Variants in ZNF469 observed in about 807,000 individuals in gnomAD.
ZNF469 encodes zinc finger protein 469.
Under a neutral mutation model 1.0 loss-of-function variants are expected in ZNF469, and 1 was observed. The observed-to-expected ratio is 1.00, with a 90% CI of 0.35 to 4.73. The LOEUF (loss-of-function observed/expected upper bound fraction) is 4.73. Among genes scored for constraint, ZNF469 ranks in the 30% most tolerant of loss-of-function variants. ZNF469 has a pLI of 0.16. For synonymous variants in ZNF469, 2,703 were observed against 2,363.4 expected (o/e 1.14, Z -4.17); for missense variants, 6,100 against 5,356.3 (o/e 1.14, Z -4.33).
chr16:88,204,850 C>T, the ZNF469 span, among the ~76,000 whole-genome samples: 3 of 152,160 alleles, frequency 2.0e-5, no homozygotes, highest in South Asian at 2.1e-4. Flanking sequence ...ATCCTTCAGA[C>T]GTGGAAAAGG....
chr16:88,395,540 G>A (rs1023178080), intron 1 of ZNF469, among the ~76,000 whole-genome samples: 5 of 152,064 alleles, frequency 3.3e-5, no homozygotes, highest in Non-Finnish European at 7.4e-5. Context: ...TGGTTTGGGT[G>A]TGCCACTCTT....
the ZNF469 span, among the ~76,000 whole-genome samples, chr16:88,293,452 A>T: frequency 1.6e-4 from 25 of 152,074 alleles, no homozygotes; most frequent in African/African-American, 5.8e-4. Context: ...TGGTAAATGG[A>T]TAGATAGGTG....
At chr16:88,138,844 G>T in the ZNF469 span, among the ~76,000 whole-genome samples, 2 of 152,216 alleles carry the variant, frequency 1.3e-5, no homozygotes, top group African/African-American at 4.8e-5. Flanking sequence ...TTTCTATGTT[G>T]TATCTGAGGT....
the ZNF469 span, among the ~76,000 whole-genome samples, chr16:88,274,766 C>T: frequency 4.6e-5 from 7 of 152,342 alleles, no homozygotes; most frequent in Admixed American, 2.6e-4. Flanking sequence ...CTTCTTTCAC[C>T]GTAGCTTCAT....
In ZNF469 at chr16:88,424,263, T is replaced by C. The variant is rs1905606128; in HGVS notation, c.-191-544T>C. Among the ~76,000 whole-genome samples the C allele has an allele frequency of 6.6e-6, 1 of 152,118 alleles. No homozygotes were observed. The highest frequency in any genetic ancestry group is 1.5e-5 in the Non-Finnish European group (1 of 68,020). ...GTTGTGGGATTATCTACAGGATATG[T>C]TGTTACATGAAAAAAAGGTCAGGTG... is the stretch of plus-strand genomic sequence containing the variant. On this transcript the variant is annotated intron_variant, in intron 1 of 2. Transcript: ENST00000565624. The surrounding 1 kb of genome is among the most constrained non-coding windows in gnomAD (Gnocchi z 4.3).
the ZNF469 span, among the ~76,000 whole-genome samples, chr16:88,331,517 C>T: frequency 1.6e-5 from 2 of 123,724 alleles, no homozygotes; most frequent in Non-Finnish European, 3.5e-5. Flanking sequence ...CACCATCATC[C>T]TCATCACTAC....
At chr16:88,152,524 G>A in the ZNF469 span, among the ~76,000 whole-genome samples, 1 of 152,174 alleles carries the variant, frequency 6.6e-6, no homozygotes, top group Non-Finnish European at 1.5e-5. This position sits in a 1 kb window ranked among gnomAD's most constrained non-coding sequence, Gnocchi z 4.2. Flanking sequence ...GCCTCTCTGT[G>A]GAATCTGTCC....
intron 1 of ZNF469, among the ~76,000 whole-genome samples, chr16:88,384,829 C>G (rs1020269482): frequency 6.6e-6 from 1 of 152,078 alleles, no homozygotes; most frequent in Non-Finnish European, 1.5e-5. Context: ...CCCTCATCAG[C>G]GCTTCAGTCT....
the ZNF469 span, among the ~76,000 whole-genome samples, chr16:88,264,087 C>T: frequency 1.3e-5 from 2 of 152,068 alleles, no homozygotes; most frequent in African/African-American, 4.8e-5. Flanking sequence ...CCCCACCCCC[C>T]AGGACCTGCT....
chr16:88,260,868 A>G, the ZNF469 span, among the ~76,000 whole-genome samples: 1 of 152,148 alleles, frequency 6.6e-6, no homozygotes, highest in Non-Finnish European at 1.5e-5. The surrounding 1 kb of genome is among the most constrained non-coding windows in gnomAD (Gnocchi z 4.1). Flanking sequence ...GGAGGTCCCG[A>G]TAAGAGGGAA....
chr16:88,347,939 C>A, the ZNF469 span, among the ~76,000 whole-genome samples: 4 of 152,238 alleles, frequency 2.6e-5, no homozygotes, highest in African/African-American at 9.6e-5. Flanking sequence ...CCAGGCAGGG[C>A]AGGGCTCTTC....
the ZNF469 span, among the ~76,000 whole-genome samples, chr16:88,317,198 C>G: frequency 1.5e-4 from 23 of 152,216 alleles, no homozygotes; most frequent in Non-Finnish European, 1.9e-4. Context: ...AGCTGTCAGG[C>G]AGGGTGGGGA....
At chr16:88,249,701 G>T in the ZNF469 span, among the ~76,000 whole-genome samples, 3 of 152,126 alleles carry the variant, frequency 2.0e-5, no homozygotes, top group Non-Finnish European at 2.9e-5. Context: ...CTCCCAAAGC[G>T]CTGGGATTAC....
the ZNF469 span, among the ~76,000 whole-genome samples, chr16:88,342,679 G>A: frequency 6.6e-6 from 1 of 152,224 alleles, no homozygotes; most frequent in African/African-American, 2.4e-5. Context: ...ACCATGGGGG[G>A]ACTGAGGCTG....
At chr16:88,215,226 A>C in the ZNF469 span, among the ~76,000 whole-genome samples, 1 of 152,072 alleles carries the variant, frequency 6.6e-6, no homozygotes, top group East Asian at 1.9e-4. Flanking sequence ...TTGCATTTCT[A>C]TCTACCATGC....
the ZNF469 span, among the ~76,000 whole-genome samples, chr16:88,296,527 C>T: frequency 6.6e-6 from 1 of 151,632 alleles, no homozygotes; most frequent in African/African-American, 2.4e-5. Context: ...CCCACACACA[C>T]ACAGGTGCAC....
chr16:88,118,013 T>G, the ZNF469 span, among the ~76,000 whole-genome samples: 40,977 of 152,206 alleles, frequency 0.27, 8,891 homozygotes, highest in African/African-American at 0.58. Flanking sequence ...CACGATCTCA[T>G]CTCACCGCAA....
At chr16:88,397,949 A>G (rs371348082) in intron 1 of ZNF469, among the ~76,000 whole-genome samples, 125 of 152,352 alleles carry the variant, frequency 8.2e-4, no homozygotes, top group African/African-American at 2.8e-3. Flanking sequence ...TCTCAGGTCC[A>G]GGGTCAGAGG....
chr16:88,422,768 ATGGATGGATGGTTGGATGGATGGATGGG>A (rs1905524375), intron 1 of ZNF469, among the ~76,000 whole-genome samples: 2 of 134,490 alleles, frequency 1.5e-5, no homozygotes, highest in Admixed American at 7.2e-5. Context: ...GGATGGATGG[ATGGATGGATGGTTGGATGGATGGATGGG>A]TGGATGGACA....
Sources: gnomAD v4.1 joint callset for allele counts (sites outside exome capture counted in the v4.1 genomes callset) on GRCh38, gnomAD v4.1.1 for gene constraint, Gnocchi (gnomAD v3.1) non-coding constraint, MANE v1.5 for transcripts, NCBI Gene and HGNC (gene_info 2026-07-23, HGNC 2026-07-21) for gene names.